ELMO1: variants seen among roughly 807,000 people sequenced by gnomAD.
ELMO1 encodes engulfment and cell motility 1.
In ELMO1, 26 loss-of-function variants were observed where a neutral mutation model predicts 98.9. The observed-to-expected ratio is 0.26, with a 90% CI of 0.19 to 0.36. ELMO1 has a LOEUF of 0.36. Ranked by LOEUF, ELMO1 falls within the 10% of genes least tolerant of loss-of-function variation. The pLI is 1.00. For missense variants in ELMO1, 627 were observed against 935.2 expected, an observed-to-expected ratio of 0.67 and a Z score of 4.30; for synonymous variants, 346 against 346.0, an observed-to-expected ratio of 1.00 and a Z score of 0.00.
chr7:37,119,811 C>T (rs1452589162), intron 14 of ELMO1, among the ~76,000 whole-genome samples: 1 of 152,104 alleles, frequency 6.6e-6, no homozygotes, highest in African/African-American at 2.4e-5. Flanking sequence ...TTCTATTCTC[C>T]CCCCTCAGGA....
At chr7:37,329,929 T>A (rs1356206038) in intron 2 of ELMO1, among the ~76,000 whole-genome samples, 2 of 152,244 alleles carry the variant, frequency 1.3e-5, no homozygotes, top group African/African-American at 2.4e-5. Context: ...GCAAGAGCAA[T>A]CTAGCCTCTC....
At chr7:37,185,555 A>G (rs778320410) in intron 13 of ELMO1, among the ~76,000 whole-genome samples, 7 of 152,180 alleles carry the variant, frequency 4.6e-5, no homozygotes, top group Non-Finnish European at 1.0e-4. Context: ...AGCACTGTAT[A>G]TATATACATA....
At chr7:37,167,095 G>A (rs1789761802) in intron 13 of ELMO1, among the ~76,000 whole-genome samples, 1 of 152,036 alleles carries the variant, frequency 6.6e-6, no homozygotes, top group Non-Finnish European at 1.5e-5. Context: ...TTATGTAATG[G>A]CCTTCTTTTT....
intron 1 of ELMO1, among the ~76,000 whole-genome samples, chr7:37,387,614 A>G (rs906053791): frequency 6.6e-6 from 1 of 152,124 alleles, no homozygotes; most frequent in Non-Finnish European, 1.5e-5. Context: ...AGGGGACACA[A>G]TTCACTCCAG....
intron 4 of ELMO1, among the ~76,000 whole-genome samples, chr7:37,273,251 T>C (rs1000685542): frequency 1.3e-5 from 2 of 152,228 alleles, no homozygotes; most frequent in African/African-American, 4.8e-5. Context: ...AACTCTCATC[T>C]TCAATTGTAA....
chr7:37,043,178 T>C (rs189943229), intron 15 of ELMO1, among the ~76,000 whole-genome samples: 2 of 152,078 alleles, frequency 1.3e-5, no homozygotes, highest in Admixed American at 1.3e-4. Context: ...CAATTACCAC[T>C]AAATAAAGAA....
Position 37,155,246 on chromosome 7 carries a change from T to C in ELMO1, c.1087-22012A>G, listed in dbSNP as rs370208494. Among the ~76,000 whole-genome samples the C allele has an allele frequency of 2.6e-5, 4 of 152,256 alleles. No individual in the cohort carries two copies. The East Asian group carries it at 7.7e-4, about 29-fold the overall frequency. On this transcript the variant is annotated intron_variant, in intron 13 of 21. Transcript: ENST00000310758. ...CCACTGATGCTAGGAAGAAACTGCA[T>C]CAATTAATGGGCGAAATAACCAGCT... is the stretch of plus-strand genomic sequence containing the variant.
chr7:37,084,387 T>A (rs1783650554), intron 15 of ELMO1, among the ~76,000 whole-genome samples: 1 of 152,222 alleles, frequency 6.6e-6, no homozygotes, highest in African/African-American at 2.4e-5. Flanking sequence ...AAATGCAGAC[T>A]ACATGTAAAA....
intron 12 of ELMO1, among the ~76,000 whole-genome samples, 178 bp from the exon 13 acceptor site, chr7:37,211,695 C>G (rs767690796): frequency 7.9e-5 from 12 of 152,304 alleles, no homozygotes; most frequent in Non-Finnish European, 1.3e-4. Context: ...ACTCTTCCCC[C>G]GTCAGTCTCC....
At chr7:37,408,602 T>C (rs1425124) in intron 1 of ELMO1, among the ~76,000 whole-genome samples, 7,294 of 152,256 alleles carry the variant, frequency 0.048, 279 homozygotes, top group East Asian at 0.15. Flanking sequence ...GATCTTGTCA[T>C]GTGCTACAAC....
At chr7:37,440,994 C>G (rs1437405525) in intron 1 of ELMO1, among the ~76,000 whole-genome samples, 1 of 149,592 alleles carries the variant, frequency 6.7e-6, no homozygotes, top group Non-Finnish European at 1.5e-5. Flanking sequence ...CTAAAGAGAC[C>G]AAAAACAAAA....
rs978001879 is a variant in ELMO1, at chr7:37,120,232, T to C, written c.1191+12898A>G. Among the ~76,000 whole-genome samples the C allele has an allele frequency of 7.9e-5, 12 of 152,246 alleles. No homozygotes were observed. The East Asian group carries it at 1.2e-3, about 15-fold the overall frequency. On this transcript the variant is annotated intron_variant, in intron 14 of 21. Coordinates refer to ENST00000310758, the MANE Select transcript of ELMO1 (RefSeq NM_014800.11). The stretch of plus-strand genomic sequence containing the variant: ...CGTGAGCAACTCAGAAAACGGGTGA[T>C]TTCTGCATTTCAAACTGAGATACTG...
chr7:37,357,798 A>G (rs1217528589), intron 1 of ELMO1, among the ~76,000 whole-genome samples: 2 of 152,240 alleles, frequency 1.3e-5, no homozygotes, highest in African/African-American at 4.8e-5. Context: ...GGTACATGCT[A>G]TCAGCATGGC....
chr7:37,134,573 A>AAAAG (rs1787142401), intron 13 of ELMO1, among the ~76,000 whole-genome samples: 1 of 151,600 alleles, frequency 6.6e-6, no homozygotes, highest in Non-Finnish European at 1.5e-5. Context: ...AAAAAAAAAA[A>AAAAG]AAGAAGAAAT....
At chr7:37,369,897 G>T (rs144369672) in intron 1 of ELMO1, among the ~76,000 whole-genome samples, 1 of 152,096 alleles carries the variant, frequency 6.6e-6, no homozygotes, top group Non-Finnish European at 1.5e-5. Context: ...TCCCTCTGAC[G>T]TCTCCCTACT....
intron 13 of ELMO1, among the ~76,000 whole-genome samples, chr7:37,190,530 C>T (rs1791500397): frequency 6.7e-6 from 1 of 149,992 alleles, no homozygotes; most frequent in Non-Finnish European, 1.5e-5. Context: ...CAAAGTCTCA[C>T]TCTGTCACCC....
At position 37,012,586 on chromosome 7, in the gene ELMO1, T is replaced by G. The variant is rs540413713; in HGVS notation, c.1437+713A>C. Among the ~76,000 whole-genome samples the G allele has an allele frequency of 4.6e-5, 7 of 152,370 alleles. No homozygotes were observed. The East Asian group carries it at 1.3e-3, about 29-fold the overall frequency. On this transcript the variant is annotated intron_variant, in intron 16 of 21. Transcript: ENST00000310758. ...TAAGGACAAAGATTTTGCTTCTCTA[T>G]GAAAGCATGGATAGTGCTTCTGCTC...
chr7:37,297,784 T>C (rs1798118937), intron 4 of ELMO1, among the ~76,000 whole-genome samples: 1 of 152,330 alleles, frequency 6.6e-6, no homozygotes, highest in African/African-American at 2.4e-5. Flanking sequence ...AACTGTGTTG[T>C]TGGCATTACC....
intron 6 of ELMO1, 139 bp downstream of exon 6, chr7:37,259,042 T>C: frequency 5.0e-6 from 5 of 997,194 alleles, no homozygotes; most frequent in Non-Finnish European, 6.8e-6. Context: ...CTCGCCACTA[T>C]CTTAAAAACT....
Sources: allele counts gnomAD v4.1 joint callset (sites outside exome capture counted in the v4.1 genomes callset), GRCh38; gene constraint gnomAD v4.1.1; transcripts MANE v1.5; gene names NCBI Gene and HGNC (gene_info 2026-07-23, HGNC 2026-07-21).